LYST: variants seen among roughly 807,000 people sequenced by gnomAD.
LYST encodes the protein lysosomal trafficking regulator.
In LYST, 192 loss-of-function variants were observed where a neutral mutation model predicts 413.6. The observed-to-expected ratio is 0.46, with a 90% CI of 0.41 to 0.52. The LOEUF is 0.52. Among genes scored for constraint, LYST ranks in the 20% least tolerant of loss-of-function variants. The pLI is 0.00. For synonymous variants in LYST, 1,525 were observed against 1,567.3 expected (o/e 0.97, Z 0.64); for missense variants, 3,815 against 4,499.9 (o/e 0.85, Z 4.35).
chr1:235,833,697 T>G (rs549789731), intron 1 of LYST, 30 bp from the exon 2 acceptor site: 2 of 451,996 alleles, frequency 4.4e-6, no homozygotes, highest in Non-Finnish European at 5.8e-6. Context: ...TTAATCACAA[T>G]AGTAAACCAC....
At chr1:235,696,336 A>G (rs1379978213) in intron 46 of LYST, among the ~76,000 whole-genome samples, 1 of 152,234 alleles carries the variant, frequency 6.6e-6, no homozygotes, top group Non-Finnish European at 1.5e-5. Context: ...AGGTAATGGT[A>G]ATTGCCAGCA....
intron 52 of LYST, among the ~76,000 whole-genome samples, chr1:235,663,615 T>G (rs1329795563): frequency 2.6e-5 from 4 of 152,348 alleles, no homozygotes; most frequent in Non-Finnish European, 4.4e-5. Context: ...AAAGTCAAAT[T>G]TGTTAACTAA....
intron 37 of LYST, 66 bp from the exon 38 acceptor site, chr1:235,728,197 G>C: frequency 8.7e-7 from 1 of 1,145,816 alleles, no homozygotes; most frequent in Non-Finnish European, 1.3e-6. Context: ...ATGGTTTAAT[G>C]CATGGTCTCT....
intron 12 of LYST, among the ~76,000 whole-genome samples, chr1:235,789,201 C>T (rs1670742244): frequency 6.6e-6 from 1 of 152,212 alleles, no homozygotes; most frequent in Non-Finnish European, 1.5e-5. Context: ...CCAGGGAGCA[C>T]ACATCATTGT....
In LYST at chr1:235,806,611, A is replaced by G. The variant is rs762844740; in HGVS notation, c.2525T>C (p.Ile842Thr). 3 of 1,613,998 alleles carry G rather than the reference A, an allele frequency of 1.9e-6. No homozygotes were observed. The highest frequency in any genetic ancestry group is 2.7e-5 in the African/African-American group (2 of 74,938). The part of the protein sequence containing the change: ...KDASVPDIDG[I>T]DIEQKELSSV... ...GGACAACTCCTTCTGTTCAATGTCTATCCCATCAATATCTGGAACTGAGGC... is the reference window on the plus strand; with the variant it reads ...GGACAACTCCTTCTGTTCAATGTCTGTCCCATCAATATCTGGAACTGAGGC... The change falls in exon 6 of 53, where the codon ATA becomes ACA. Residue 842 changes from isoleucine to threonine, a missense_variant. Around this residue, in one of 4 missense-constraint regions of LYST, gnomAD observed 1,648 missense variants for 1,810.3 expected, o/e 0.91. Transcript: ENST00000389793.
chr1:235,741,648 G>C lies in LYST; in HGVS notation c.8152-20C>G, dbSNP rs1464250704. The stretch of plus-strand genomic sequence containing the variant: ...TGAACCCTAAAATCAATCAAGATAG[G>C]AATGAATTAGGATCAGACTGCTTAA... On this transcript the variant is annotated intron_variant, in intron 30 of 52. Coordinates refer to ENST00000389793, the MANE Select transcript of LYST (RefSeq NM_000081.4). 2 of 1,566,444 alleles carry C rather than the reference G, an allele frequency of 1.3e-6. No homozygotes were observed. The highest frequency in any genetic ancestry group is 1.8e-6 in the Non-Finnish European group (2 of 1,137,396).
At chr1:235,684,141 T>G (rs1660034086) in intron 48 of LYST, among the ~76,000 whole-genome samples, 1 of 152,224 alleles carries the variant, frequency 6.6e-6, no homozygotes, top group Non-Finnish European at 1.5e-5. Context: ...GAAATGTATG[T>G]CTTGCAGTAT....
At chr1:235,795,503 C>T (rs969145390) in intron 10 of LYST, among the ~76,000 whole-genome samples, 7 of 152,156 alleles carry the variant, frequency 4.6e-5, no homozygotes, top group African/African-American at 9.7e-5. Context: ...AGACACTATA[C>T]GCCAGCCAAG....
At chr1:235,742,469 A>T (rs936753477) in intron 30 of LYST, among the ~76,000 whole-genome samples, 1 of 151,630 alleles carries the variant, frequency 6.6e-6, no homozygotes, top group Non-Finnish European at 1.5e-5. Context: ...AAAAAAAAAA[A>T]GTTCCTAGAG....
At chr1:235,831,290 A>G (rs977366128) in intron 2 of LYST, among the ~76,000 whole-genome samples, 1 of 152,170 alleles carries the variant, frequency 6.6e-6, no homozygotes, top group Non-Finnish European at 1.5e-5. Context: ...GCCTCTTGCC[A>G]AGAGGCACAG....
chr1:235,733,905 T>G lies in LYST; in HGVS notation c.8537A>C (p.Glu2846Ala), dbSNP rs765338918. 2.3e-5 allele frequency: 36 copies of G among 1,531,946 alleles called. 1 individual carries two copies. Among genetic ancestry groups the G allele is most frequent in the Non-Finnish European group, 3.0e-5 (33 of 1,107,070 alleles). The allele number at this position is 1,531,946 out of a possible 1,614,324, so 94.9% of individuals were successfully genotyped here. The change falls in exon 33 of 53, where the codon GAA (glutamate) becomes GCA (alanine). Residue 2846 changes from glutamate to alanine, a missense_variant and splice_region_variant. Glu to Ala is a moderately radical substitution (Grantham distance 107). Around this residue, in one of 4 missense-constraint regions of LYST, gnomAD observed 771 missense variants for 837.1 expected, o/e 0.92. Coordinates refer to ENST00000389793, the MANE Select transcript of LYST (RefSeq NM_000081.4). ...TTCTTCAGTTTCATATTTCTTTTGT[T>G]CCTAGAAGATTTAGATAATAATATA... ...KADLIKMIKE[E>A]QKKYETEEGV...
rs186411626 is a variant in LYST at position 235,821,247 on chromosome 1, G to A, written c.193-8186C>T. On this transcript the variant is annotated intron_variant, in intron 3 of 52. Transcript: ENST00000389793. ...AGCTCAGGAGCTTGAAAACAGTCTG[G>A]GCAACACGGTGAAACCCCATCTGTA... is the stretch of plus-strand genomic sequence containing the variant. Among the ~76,000 whole-genome samples, 10 of 152,208 alleles carry A rather than the reference G, an allele frequency of 6.6e-5. No individual in the cohort carries two copies. In the East Asian group the frequency reaches 1.7e-3, roughly 26 times the overall value.
intron 29 of LYST, among the ~76,000 whole-genome samples, chr1:235,745,498 T>C (rs1558181040): frequency 6.6e-6 from 1 of 152,224 alleles, no homozygotes; most frequent in African/African-American, 2.4e-5. Context: ...ACAGCCACTC[T>C]GGAAAAGTTT....
At chr1:235,825,153 C>T (rs1307201293) in intron 3 of LYST, among the ~76,000 whole-genome samples, 1 of 152,162 alleles carries the variant, frequency 6.6e-6, no homozygotes, top group Non-Finnish European at 1.5e-5. Context: ...CAAAATTCAA[C>T]ATCCCTTCAG....
rs1183262962 is a variant in LYST, at chr1:235,793,561, G to A, written c.4058C>T (p.Thr1353Ile). 2 of 1,602,986 alleles carry A rather than the reference G, an allele frequency of 1.2e-6. No homozygotes were observed. Among genetic ancestry groups the A allele is most frequent in the Non-Finnish European group, 1.7e-6 (2 of 1,171,726 alleles). ...AAGAAGGGTTAGCTCTTCTGAACAT[G>A]TTCTTGAACTCATCAAAGATACCAA... ...DLLVSLMSSR[T>I]CSEELTLLLR... Residue 1353 changes from threonine (T) to isoleucine (I), a missense_variant, in exon 11 of 53, where the codon ACA becomes ATA. By Grantham distance (89) the Thr-to-Ile change is moderately conservative. Coordinates refer to ENST00000389793, the MANE Select transcript of LYST (RefSeq NM_000081.4).
chr1:235,867,143 C>A (rs1044169805), upstream of LYST, among the ~76,000 whole-genome samples: 1 of 152,194 alleles, frequency 6.6e-6, no homozygotes, highest in African/African-American at 2.4e-5. Flanking sequence ...GGCCGACCCG[C>A]GGGGCTGCAG....
At chr1:235,874,312 A>G (rs137914440) in intron 1 of LYST, among the ~76,000 whole-genome samples, 3 of 152,318 alleles carry the variant, frequency 2.0e-5, no homozygotes, top group African/African-American at 7.2e-5. Context: ...TATACTTGCA[A>G]TGTTCAAGGC....
chr1:235,738,295 A>G, intron 31 of LYST: 9 of 1,611,792 alleles, frequency 5.6e-6, no homozygotes, highest in African/African-American at 2.7e-5. Flanking sequence ...GCTGAGGCAC[A>G]TCGCAAGAGG....
rs1003329462 is a variant in LYST, at chr1:235,738,206, C to T, written c.8358+3216G>A. ...AGATGATGGATCTCCACCATGGCAG[C>T]CTTTTCCTTAGAACACCAAAGATTG... On this transcript the variant is annotated intron_variant, in intron 31 of 52. Coordinates refer to ENST00000389793, the MANE Select transcript of LYST (RefSeq NM_000081.4). 5.6e-6 allele frequency: 9 copies of T among 1,610,350 alleles called. No homozygotes were observed. In the Admixed American group the frequency reaches 8.3e-5, roughly 15 times the overall value.
Sources: allele counts gnomAD v4.1 joint callset (sites outside exome capture counted in the v4.1 genomes callset), GRCh38; gene constraint gnomAD v4.1.1; regional missense constraint gnomAD v4.1.1; transcripts MANE v1.5; gene names NCBI Gene and HGNC (gene_info 2026-07-23, HGNC 2026-07-21).